Variants in LY9 observed in about 807,000 individuals in gnomAD.
LY9 encodes lymphocyte antigen 9.
In LY9, 59 loss-of-function variants were observed where a neutral mutation model predicts 64.6. The observed-to-expected ratio is 0.91, with a 90% CI of 0.74 to 1.13. LY9 has a LOEUF of 1.13. Among genes scored for constraint, LY9 ranks in the 50% most tolerant of loss-of-function variants. The pLI is 0.00. For synonymous variants in LY9, 281 were observed against 308.5 expected (o/e 0.91, Z 0.93); for missense variants, 789 against 797.2 (o/e 0.99, Z 0.12).
At chr1:160,818,902 C>A (rs1668161839) in intron 6 of LY9, among the ~76,000 whole-genome samples, 1 of 152,150 alleles carries the variant, frequency 6.6e-6, no homozygotes, top group South Asian at 2.1e-4. Flanking sequence ...CTGCTTGGAC[C>A]AATTTCTATA....
chr1:160,802,316 T>C lies in LY9; in HGVS notation c.454+2234T>C, dbSNP rs556199037. 9.6e-5 allele frequency: 95 copies of C among 988,670 alleles called. 1 individual carries two copies. In the African/African-American group the frequency reaches 1.5e-3, roughly 16 times the overall value. The allele number at this position is 988,670 out of a possible 1,614,324, so 61.2% of individuals were successfully genotyped here. ...GGTCCCGCACACTGCACCCATTTCC[T>C]GGATGTCCCCTGCAGGCGCGGGAGG... On this transcript the variant is annotated intron_variant, in intron 2 of 9. Coordinates refer to ENST00000263285, the MANE Select transcript of LY9 (RefSeq NM_002348.4).
intron 4 of LY9, among the ~76,000 whole-genome samples, chr1:160,815,724 A>C (rs933851583): frequency 6.6e-6 from 1 of 152,226 alleles, no homozygotes; most frequent in African/African-American, 2.4e-5. Context: ...ATTTTGAATA[A>C]GGCCAAAGTT....
chr1:160,804,435 A>T (rs1666780336), intron 2 of LY9, among the ~76,000 whole-genome samples: 1 of 152,146 alleles, frequency 6.6e-6, no homozygotes, highest in Non-Finnish European at 1.5e-5. Flanking sequence ...CCCTGGGATA[A>T]ATCCCACTTG....
chr1:160,802,028 G>GC, intron 2 of LY9: 3 of 1,456,778 alleles, frequency 2.1e-6, no homozygotes, highest in Non-Finnish European at 2.7e-6. Context: ...CAGTGCCACT[G>GC]CCCCCCGAGG....
chr1:160,801,979 A>G (rs1666534005), intron 2 of LY9: 1 of 1,581,514 alleles, frequency 6.3e-7, no homozygotes, highest in African/African-American at 1.3e-5. Flanking sequence ...GCCGCGCAGC[A>G]GAGCTGGAAG....
chr1:160,818,975 GA>G (rs1186852954), intron 6 of LY9, among the ~76,000 whole-genome samples: 1 of 152,186 alleles, frequency 6.6e-6, no homozygotes, highest in African/African-American at 2.4e-5. Context: ...GAGTGGAAAT[GA>G]AGTAGTAGCC....
chr1:160,797,790 T>C (rs962019236), intron 1 of LY9, among the ~76,000 whole-genome samples: 14 of 152,282 alleles, frequency 9.2e-5, no homozygotes, highest in African/African-American at 3.1e-4. Flanking sequence ...GATGAGGGCC[T>C]CTATTTCTTA....
chr1:160,827,094 C>G (rs1557823412), intron 9 of LY9, among the ~76,000 whole-genome samples: 2 of 152,190 alleles, frequency 1.3e-5, no homozygotes, highest in African/African-American at 4.8e-5. Flanking sequence ...TTGTCAGGAC[C>G]AGGAATTCTG....
rs1282621155 is a variant in LY9, at chr1:160,828,038, G to A, written c.*222G>A. ...TTCTTGGAGCCTATGGGCTTCAGAT[G>A]TCTTTGCCCCATTTGTCACCTCGCA... On this transcript the variant is annotated 3_prime_UTR_variant, in exon 10 of 10. Coordinates refer to ENST00000263285, the MANE Select transcript of LY9 (RefSeq NM_002348.4). 6 of 363,260 alleles carry A rather than the reference G, an allele frequency of 1.7e-5. No individual in the cohort carries two copies. In the East Asian group the frequency reaches 2.3e-4, roughly 14 times the overall value. The allele number at this position is 363,260 out of a possible 1,614,324, so 22.5% of individuals were successfully genotyped here.
At chr1:160,797,862 TACACACACAC>T (rs57306367) in intron 1 of LY9, among the ~76,000 whole-genome samples, 46 of 150,616 alleles carry the variant, frequency 3.1e-4, no homozygotes, top group Non-Finnish European at 1.2e-4. Context: ...AGATGATCTA[TACACACACAC>T]ACACACACAC....
intron 2 of LY9, among the ~76,000 whole-genome samples, chr1:160,809,540 T>G (rs980702352): frequency 1.3e-5 from 2 of 152,054 alleles, no homozygotes; most frequent in Non-Finnish European, 2.9e-5. Flanking sequence ...ATTATTTTAT[T>G]TTGTAGAGAC....
intron 7 of LY9, 39 bp from the exon 8 acceptor site, chr1:160,823,426 G>T (rs755550033): frequency 6.6e-7 from 1 of 1,505,014 alleles, no homozygotes; most frequent in Non-Finnish European, 9.1e-7. Context: ...GAGAGGTGGG[G>T]TTGGCATACT....
intron 9 of LY9, among the ~76,000 whole-genome samples, chr1:160,826,522 T>A (rs965986642): frequency 2.6e-5 from 4 of 152,204 alleles, no homozygotes; most frequent in African/African-American, 9.7e-5. Context: ...CATGCACAAA[T>A]TCAAAAAATT....
At chr1:160,801,176 C>A (rs1014562665) in intron 2 of LY9, among the ~76,000 whole-genome samples, 1 of 152,118 alleles carries the variant, frequency 6.6e-6, no homozygotes, top group Non-Finnish European at 1.5e-5. Context: ...TGGTTTCCAT[C>A]CCCACCAAGA....
At position 160,814,716 on chromosome 1, in the gene LY9, G is replaced by A. The variant is rs1334026631; in HGVS notation, c.1027G>A (p.Ala343Thr). 9.9e-6 allele frequency: 16 copies of A among 1,613,958 alleles called. No homozygotes were observed. Among genetic ancestry groups the A allele is most frequent in the Non-Finnish European group, 1.4e-5 (16 of 1,179,984 alleles). ...GPYHAYVCSE[A>T]SSVTSMTHVT... Reference sequence around the variant, plus strand: ...CTACCATGCCTACGTGTGCTCAGAGGCCTCCAGCGTCACCAGCATGACACA... The same window carrying A: ...CTACCATGCCTACGTGTGCTCAGAGACCTCCAGCGTCACCAGCATGACACA... The change falls in exon 4 of 10, where the codon GCC becomes ACC. Residue 343 changes from alanine to threonine, a missense_variant. Coordinates refer to ENST00000263285, the MANE Select transcript of LY9 (RefSeq NM_002348.4).
intron 2 of LY9, chr1:160,811,799 A>G (rs1472122757): frequency 6.6e-6 from 1 of 152,216 alleles, no homozygotes; most frequent in Non-Finnish European, 1.5e-5. Flanking sequence ...CTCTAAGGTA[A>G]TAGCAGCATT....
intron 2 of LY9, chr1:160,811,312 A>G (rs1037862896): frequency 2.0e-5 from 3 of 152,274 alleles, no homozygotes; most frequent in Admixed American, 2.0e-4. Flanking sequence ...TGTCCCTTAC[A>G]GTCCAGACTG....
chr1:160,809,412 C>G (rs1011623676), intron 2 of LY9, among the ~76,000 whole-genome samples: 1 of 151,622 alleles, frequency 6.6e-6, no homozygotes, highest in African/African-American at 2.4e-5. Flanking sequence ...ATTTTGTTGT[C>G]CAGGCTAGTC....
At position 160,818,200 on chromosome 1, in the gene LY9, C is replaced by T. The variant is rs369140872; in HGVS notation, c.1343-18C>T. The T allele has an allele frequency of 5.2e-6, 8 of 1,543,020 alleles. No individual in the cohort carries two copies. The highest frequency in any genetic ancestry group is 2.2e-5 in the South Asian group (2 of 89,340). On this transcript the variant is annotated intron_variant, in intron 5 of 9. Transcript: ENST00000263285. The stretch of plus-strand genomic sequence containing the variant: ...CTTGTCATTATTTGAATTAACATCA[C>T]TCATTTCCTCCTCAAAGGACCTGAG...
Sources: allele counts gnomAD v4.1 joint callset (sites outside exome capture counted in the v4.1 genomes callset), GRCh38; gene constraint gnomAD v4.1.1; transcripts MANE v1.5; gene names NCBI Gene and HGNC (gene_info 2026-07-23, HGNC 2026-07-21).